The following LTBP3 variants were observed in gnomAD, a reference collection of about 807,000 sequenced individuals.
LTBP3 encodes the protein latent-transforming growth factor beta-binding protein 3.
Under a neutral mutation model 159.7 loss-of-function variants are expected in LTBP3, and 97 were observed. The observed-to-expected ratio is 0.61, with a 90% confidence interval of 0.52 to 0.72. The LOEUF is 0.72. Ranked by LOEUF, LTBP3 falls within the 30% of genes least tolerant of loss-of-function variation. LTBP3 has a pLI of 0.00. For synonymous variants in LTBP3, 824 were observed against 777.1 expected (o/e 1.06, Z -1.00); for missense variants, 1,584 against 1,864.3 (o/e 0.85, Z 2.77).
intron 18 of LTBP3, chr11:65,542,028 T>G: frequency 2.6e-6 from 1 of 387,042 alleles, no homozygotes; most frequent in Non-Finnish European, 5.0e-6. Context: ...CACGCCTTAC[T>G]CTAGACCACC....
chr11:65,548,146 T>G, intron 11 of LTBP3, 101 bp from the exon 12 acceptor site: 2 of 1,548,376 alleles, frequency 1.3e-6, no homozygotes, highest in Middle Eastern at 4.5e-4. Context: ...TGACCTCAGG[T>G]TCCTGTACGC....
intron 10 of LTBP3, 21 bp from the exon 11 acceptor site, chr11:65,551,245 T>C: frequency 6.5e-7 from 1 of 1,540,970 alleles, no homozygotes; most frequent in Non-Finnish European, 8.7e-7. Context: ...CAGTGCACTC[T>C]GGTCAGAGAC....
chr11:65,548,451 C>T (rs774988179), intron 11 of LTBP3: 5 of 388,840 alleles, frequency 1.3e-5, no homozygotes, highest in Admixed American at 8.3e-5. Context: ...ACACCAGTGT[C>T]CTCTAGCCCA....
At position 65,547,272 on chromosome 11, in the gene LTBP3, A is replaced by G. The variant is rs1417675987; in HGVS notation, c.2107+167T>C. 1.3e-5 allele frequency among the ~76,000 whole-genome samples: 2 copies of G among 150,914 alleles called. No homozygotes were observed. The highest frequency in any genetic ancestry group is 2.9e-5 in the Non-Finnish European group (2 of 67,822). On this transcript the variant is annotated intron_variant, in intron 14 of 27. Coordinates refer to ENST00000301873, the MANE Select transcript of LTBP3 (RefSeq NM_001130144.3). The surrounding 1 kb of genome is among the most constrained non-coding windows in gnomAD (Gnocchi z 4.6). ...GGCAGGAGAATCGCTTGAACCCGGG[A>G]GGCGGAGGTTGCAGTGAGCCAAGAT...
At chr11:65,557,571 T>C (rs1590791475) in intron 1 of LTBP3, 58 bp downstream of exon 1, 1 of 1,598,936 alleles carries the variant, frequency 6.3e-7, no homozygotes. Flanking sequence ...CCACTAGCTC[T>C]CCCACCGGGC....
chr11:65,553,371 G>T lies in LTBP3; in HGVS notation c.970+54C>A. The T allele has an allele frequency of 7.1e-7, 1 of 1,413,518 alleles. No individual in the cohort carries two copies. The highest frequency in any genetic ancestry group is 9.9e-7 in the Non-Finnish European group (1 of 1,008,316). The allele number at this position is 1,413,518 out of a possible 1,614,324, so 87.6% of individuals were successfully genotyped here. A position where few individuals can be genotyped will look rare whatever the true frequency, so the allele number is the denominator to read the frequency against. On this transcript the variant is annotated intron_variant, in intron 4 of 27. Transcript: ENST00000301873. This position sits in a 1 kb window ranked among gnomAD's most constrained non-coding sequence, Gnocchi z 6.5. ...GACTCCCACTGCAGGGATGGGTGGG[G>T]TGGGTGGGGAGGGGCCACCAGATAG...
chr11:65,547,363 G>T lies in LTBP3; in HGVS notation c.2107+76C>A, dbSNP rs1204245882. The T allele has an allele frequency of 2.0e-6, 3 of 1,491,350 alleles. No homozygotes were observed. The highest frequency in any genetic ancestry group is 2.7e-6 in the Non-Finnish European group (3 of 1,099,982). 92.4% of individuals were successfully genotyped at this position (1,491,350 alleles called of 1,614,324 possible). A position where few individuals can be genotyped will look rare whatever the true frequency, so the allele number is the denominator to read the frequency against. ...CGTCTCGGGGGAAAAAAAAAAAAATGCAGGCACCCCAGCCCCACCCCAGGT... is the reference window on the plus strand; with the variant it reads ...CGTCTCGGGGGAAAAAAAAAAAAATTCAGGCACCCCAGCCCCACCCCAGGT... On this transcript the variant is annotated intron_variant, in intron 14 of 27. Coordinates refer to ENST00000301873, the MANE Select transcript of LTBP3 (RefSeq NM_001130144.3). The surrounding 1 kb of genome is among the most constrained non-coding windows in gnomAD (Gnocchi z 4.6).
chr11:65,547,698 G>T lies in LTBP3; in HGVS notation c.1970C>A (p.Ser657Ter). Residue 657 changes from serine (S) to a stop codon, truncating the protein, a stop_gained, in exon 13 of 28, where the codon TCG becomes TAG. Transcript: ENST00000301873. LOFTEE classifies it high-confidence loss of function. The surrounding 1 kb of genome is among the most constrained non-coding windows in gnomAD (Gnocchi z 4.6). Reference sequence around the variant, plus strand: ...GCCCTGGCGGCGCTCACCCACGCACGAGCGCCCCCCGGCGCCCACGTGCAG... The same window carrying T: ...GCCCTGGCGGCGCTCACCCACGCACTAGCGCCCCCCGGCGCCCACGTGCAG... The part of the protein sequence containing the change: ...YRLHVGAGGR[S>*]CVDLNECAKP... The T allele has an allele frequency of 1.2e-6, 2 of 1,605,560 alleles. No individual in the cohort carries two copies. Among genetic ancestry groups the T allele is most frequent in the Non-Finnish European group, 1.7e-6 (2 of 1,177,704 alleles).
chr11:65,541,330 C>T, intron 19 of LTBP3, 37 bp from the exon 20 acceptor site: 1 of 1,600,252 alleles, frequency 6.2e-7, no homozygotes, highest in South Asian at 1.1e-5. Flanking sequence ...TGTGCACAGA[C>T]CCCCCTTGGC....
Position 65,546,323 on chromosome 11 carries a change from G to A in LTBP3, c.2353+119C>T, listed in dbSNP as rs1342989334. The A allele has an allele frequency of 1.6e-6, 2 of 1,250,400 alleles. No individual in the cohort carries two copies. Among genetic ancestry groups the A allele is most frequent in the East Asian group, 2.8e-5 (1 of 35,798 alleles). 77.5% of individuals were successfully genotyped at this position (1,250,400 alleles called of 1,614,324 possible). A position where few individuals can be genotyped will look rare whatever the true frequency, so the allele number is the denominator to read the frequency against. ...AGTTCGTTGAGAAAATGAGTGAGCAGAGTCACCTGGGGATGAATGAGCCAC... is the reference window on the plus strand; with the variant it reads ...AGTTCGTTGAGAAAATGAGTGAGCAAAGTCACCTGGGGATGAATGAGCCAC... On this transcript the variant is annotated intron_variant, in intron 16 of 27. Transcript: ENST00000301873. This position sits in a 1 kb window ranked among gnomAD's most constrained non-coding sequence, Gnocchi z 4.0.
Position 65,553,969 on chromosome 11 carries a change from T to C in LTBP3, c.662-66A>G. On this transcript the variant is annotated intron_variant, in intron 2 of 27. Transcript: ENST00000301873. This position sits in a 1 kb window ranked among gnomAD's most constrained non-coding sequence, Gnocchi z 6.5. ...GCCGCGGGTCACCGCGCTGAGCTCC[T>C]CCAGGGCTGAACCTGCCCTGCCCTG... is the stretch of plus-strand genomic sequence containing the variant. 6.4e-7 allele frequency: 1 copy of C among 1,561,682 alleles called. No homozygotes were observed. The highest frequency in any genetic ancestry group is 1.1e-5 in the South Asian group (1 of 88,552).
chr11:65,555,826 C>T (rs536772964), intron 1 of LTBP3, among the ~76,000 whole-genome samples: 5 of 152,190 alleles, frequency 3.3e-5, no homozygotes, highest in Admixed American at 6.5e-5. Context: ...GGCAGGAGGG[C>T]GGGGGTGCTG....
intron 26 of LTBP3, 31 bp downstream of exon 26, chr11:65,539,517 C>A (rs1369862207): frequency 6.2e-7 from 1 of 1,606,004 alleles, no homozygotes; most frequent in Non-Finnish European, 8.5e-7. Flanking sequence ...AGGCTACCAA[C>A]CCCGCCACCG....
chr11:65,540,066 G>C lies in LTBP3; in HGVS notation c.3332C>G (p.Pro1111Arg). Residue 1111 changes from proline (P) to arginine (R), a missense_variant, in exon 24 of 28, where the codon CCC becomes CGC. This residue lies in a region of LTBP3 where 514 missense variants were observed against 530.3 expected (regional missense o/e 0.97). Transcript: ENST00000301873. Reference protein sequence around the residue: ...PGSYRCECRPPWVPGPSGRDC... With the variant: ...PGSYRCECRPRWVPGPSGRDC... The stretch of plus-strand genomic sequence containing the variant: ...GCGGCCGGAGGGCCCGGGCACCCAG[G>C]GCGGGCGACACTCGCAGCGGTAGGA... The C allele has an allele frequency of 2.6e-6, 4 of 1,524,468 alleles. No homozygotes were observed. Among genetic ancestry groups the C allele is most frequent in the Non-Finnish European group, 3.5e-6 (4 of 1,141,360 alleles). The allele number at this position is 1,524,468 out of a possible 1,614,324, so 94.4% of individuals were successfully genotyped here. A position where few individuals can be genotyped will look rare whatever the true frequency, so the allele number is the denominator to read the frequency against.
intron 8 of LTBP3, 94 bp downstream of exon 8, chr11:65,551,878 G>T (rs1590782428): frequency 7.2e-7 from 1 of 1,398,524 alleles, no homozygotes; most frequent in Non-Finnish European, 1.0e-6. Context: ...GGAATTGGGG[G>T]TTAGACTGTG....
At position 65,540,355 on chromosome 11, in the gene LTBP3, T is replaced by C. The variant is rs752339288; in HGVS notation, c.3134A>G (p.Asn1045Ser). The change falls in exon 23 of 28, where the codon AAC (asparagine) becomes AGC (serine). Residue 1045 changes from asparagine to serine, a missense_variant. Asn to Ser is a conservative substitution (Grantham distance 46). Transcript: ENST00000301873. ...VDVDECLDESNCRNGVCENTR... is the reference protein window; with the variant it reads ...VDVDECLDESSCRNGVCENTR... ...GTTCTCACACACTCCGTTCCGGCAG[T>C]TGGACTCGTCCAGGCACTCGTCCAC... 5.7e-6 allele frequency: 9 copies of C among 1,591,524 alleles called. No homozygotes were observed. Among genetic ancestry groups the C allele is most frequent in the African/African-American group, 2.7e-5 (2 of 74,826 alleles).
At position 65,543,389 on chromosome 11, in the gene LTBP3, G is replaced by A. The variant is rs765441597; in HGVS notation, c.2476+38C>T. The stretch of plus-strand genomic sequence containing the variant: ...TGGGGGGTGGGGGTCCTGGGGTAGG[G>A]AGGGACAGGTCAGCACCCCAGCTCT... On this transcript the variant is annotated intron_variant, in intron 17 of 27. Transcript: ENST00000301873. 1.1e-4 allele frequency: 171 copies of A among 1,613,204 alleles called. 1 individual carries two copies. The Admixed American group carries it at 2.8e-3, about 27-fold the overall frequency.
Position 65,557,882 on chromosome 11 carries a change from C to T in LTBP3, c.78G>A (p.Leu26=). Residue 26 remains leucine (L), a synonymous_variant, in exon 1 of 28, where the codon CTG becomes CTA. Transcript: ENST00000301873. ...GCAGCAGCAGCAGCAGCAGCAGCAG[C>T]AGCGCCAGCAGCCCCGCCGCCCCCG... The part of the protein sequence containing the change: ...RGAGAAGLLA[L]LLLLLLLLLG... The T allele has an allele frequency of 2.3e-6, 3 of 1,309,894 alleles. No homozygotes were observed. Among genetic ancestry groups the T allele is most frequent in the African/African-American group, 1.5e-5 (1 of 64,992 alleles). The allele number at this position is 1,309,894 out of a possible 1,614,324, so 81.1% of individuals were successfully genotyped here.
At position 65,554,952 on chromosome 11, in the gene LTBP3, C is replaced by T. The variant is rs996790693; in HGVS notation, c.332-572G>A. The stretch of plus-strand genomic sequence containing the variant: ...CCACATCTCAAGACACAGACACAGC[C>T]CCCAGCCTTTCCAGGGCTCTCTCAG... On this transcript the variant is annotated intron_variant, in intron 1 of 27. Coordinates refer to ENST00000301873, the MANE Select transcript of LTBP3 (RefSeq NM_001130144.3). The surrounding 1 kb of genome is among the most constrained non-coding windows in gnomAD (Gnocchi z 5.3). Among the ~76,000 whole-genome samples, 36 of 152,214 alleles carry T rather than the reference C, an allele frequency of 2.4e-4. No homozygotes were observed. The highest frequency in any genetic ancestry group is 8.7e-4 in the African/African-American group (36 of 41,498).
Sources: allele counts gnomAD v4.1 joint callset (sites outside exome capture counted in the v4.1 genomes callset), GRCh38; gene constraint gnomAD v4.1.1; regional missense constraint gnomAD v4.1.1; non-coding constraint Gnocchi (gnomAD v3.1); transcripts MANE v1.5; gene names NCBI Gene and HGNC (gene_info 2026-07-23, HGNC 2026-07-21).